Variants in BHMT observed in about 807,000 individuals in gnomAD.
The protein encoded by BHMT is betaine--homocysteine S-methyltransferase, also known as betaine--homocysteine S-methyltransferase 1.
Under a neutral mutation model 49.5 loss-of-function variants are expected in BHMT, and 38 were observed. That is an observed-to-expected ratio of 0.77 (90% CI 0.59 to 1.01). The LOEUF (loss-of-function observed/expected upper bound fraction) is 1.01, where lower values mean the gene tolerates loss of function less well. Ranked by LOEUF, BHMT falls within the 50% of genes least tolerant of loss-of-function variation. BHMT has a pLI of 0.00. For synonymous variants in BHMT, 166 were observed against 176.3 expected, an observed-to-expected ratio of 0.94 and a Z score of 0.46; for missense variants, 426 against 495.7, an observed-to-expected ratio of 0.86 and a Z score of 1.34.
At position 79,119,373 on chromosome 5, in the gene BHMT, T is replaced by C. The variant is rs1228758707; in HGVS notation, c.281T>C (p.Ile94Thr). The change falls in exon 3 of 8, where the codon ATA becomes ACA. Residue 94 changes from isoleucine (I) to threonine (T), a missense_variant. Transcript: ENST00000274353. ...ENRGNYVLEK[I>T]SGQEVNEAAC... ...AGGGGCAACTATGTCTTAGAGAAGA[T>C]ATCTGTGAGTAAAACCAGCCGTGGG... 2 of 1,607,664 alleles carry C rather than the reference T, an allele frequency of 1.2e-6. No individual in the cohort carries two copies. The highest frequency in any genetic ancestry group is 2.2e-5 in the East Asian group (1 of 44,864).
intron 5 of BHMT, 51 bp from the exon 6 acceptor site, chr5:79,125,995 C>T (rs2112731026): frequency 6.5e-7 from 1 of 1,538,556 alleles, no homozygotes; most frequent in Non-Finnish European, 8.8e-7. Context: ...AGAGCTGGCC[C>T]TGCTGGTTTC....
chr5:79,118,201 C>T (rs1756414987), intron 2 of BHMT, among the ~76,000 whole-genome samples: 1 of 152,168 alleles, frequency 6.6e-6, no homozygotes, highest in South Asian at 2.1e-4. Flanking sequence ...TTGGAGGCCT[C>T]ACGCCTGTAA....
Position 79,132,248 on chromosome 5 carries a change from G to GT in BHMT, c.*1133dup, listed in dbSNP as rs1378756967. 1.3e-5 allele frequency: 2 copies of GT among 152,156 alleles called. No individual in the cohort carries two copies. The highest frequency in any genetic ancestry group is 1.9e-4 in the East Asian group (1 of 5,200). 9.4% of individuals were successfully genotyped at this position (152,156 alleles called of 1,614,324 possible). A position where few individuals can be genotyped will look rare whatever the true frequency, so the allele number is the denominator to read the frequency against. Reference sequence around the variant, plus strand: ...GAATTGTTTGAGCTGTTTTGAAATTGTAATTCTTTTCAGCTATTAAAAAGA... The same window carrying GT: ...GAATTGTTTGAGCTGTTTTGAAATTGTTAATTCTTTTCAGCTATTAAAAAGA... On this transcript the variant is annotated 3_prime_UTR_variant, in exon 8 of 8. Transcript: ENST00000274353.
intron 1 of BHMT, among the ~76,000 whole-genome samples, chr5:79,112,493 G>C (rs1013944265): frequency 6.6e-6 from 1 of 152,218 alleles, no homozygotes; most frequent in Non-Finnish European, 1.5e-5. Flanking sequence ...TCTGCACCGC[G>C]GGTGTCGGGG....
rs146927442 is a variant in BHMT at position 79,127,809 on chromosome 5, C to G, written c.863C>G (p.Ala288Gly). The G allele has an allele frequency of 1.4e-5, 23 of 1,614,110 alleles. No homozygotes were observed. The highest frequency in any genetic ancestry group is 1.9e-5 in the Non-Finnish European group (23 of 1,180,002). Residue 288 changes from alanine to glycine, a missense_variant, in exon 7 of 8, where the codon GCC (alanine) becomes GGC (glycine). By Grantham distance (60) the Ala-to-Gly change is moderately conservative. Around this residue, in one of 3 missense-constraint regions of BHMT, gnomAD observed 321 missense variants for 355.9 expected, o/e 0.90. Transcript: ENST00000274353. ...GATATTCAAAAATACGCCAGAGAGG[C>G]CTACAACCTGGGGGTCAGGTACATT... is the stretch of plus-strand genomic sequence containing the variant. ...RWDIQKYARE[A>G]YNLGVRYIGG...
intron 1 of BHMT, among the ~76,000 whole-genome samples, chr5:79,113,436 G>GA (rs1756337615): frequency 6.6e-6 from 1 of 152,150 alleles, no homozygotes; most frequent in Non-Finnish European, 1.5e-5. Context: ...ATGTAAGATG[G>GA]AAAAAACAGT....
At chr5:79,119,419 G>A (rs369270690) in intron 3 of BHMT, 42 bp downstream of exon 3, 23 of 1,490,720 alleles carry the variant, frequency 1.5e-5, no homozygotes, top group African/African-American at 1.3e-4. Flanking sequence ...GGATATTGTC[G>A]ACCTATTGCA....
rs1756380224 is a variant in BHMT at position 79,115,906 on chromosome 5, G to GC, written c.166+8dup. The GC allele has an allele frequency of 6.2e-7, 1 of 1,610,516 alleles. No individual in the cohort carries two copies. On this transcript the variant is annotated splice_region_variant and intron_variant, in intron 2 of 7. Coordinates refer to ENST00000274353, the MANE Select transcript of BHMT (RefSeq NM_001713.3). ...GTGGAGCACCCAGAAGCAGGTTGGT[G>GC]CAGAGCTCTATTGTAAGTTCTCATA...
intron 5 of BHMT, among the ~76,000 whole-genome samples, chr5:79,122,819 A>T (rs1756491833): frequency 6.6e-6 from 1 of 152,186 alleles, no homozygotes; most frequent in Non-Finnish European, 1.5e-5. Context: ...TATATCCACA[A>T]TATTCAAATC....
chr5:79,131,115 A>G lies in BHMT; in HGVS notation c.1220A>G (p.Ter407TrpextTer3). 6.2e-7 allele frequency: 1 copy of G among 1,608,558 alleles called. No homozygotes were observed. The highest frequency in any genetic ancestry group is 8.5e-7 in the Non-Finnish European group (1 of 1,177,524). Residue 407 changes from the stop codon to tryptophan (W), a stop_lost, in exon 8 of 8, where the codon TAG becomes TGG. Coordinates refer to ENST00000274353, the MANE Select transcript of BHMT (RefSeq NM_001713.3). ...LFEKQKFKSQ* is the reference protein window; with the variant it reads ...LFEKQKFKSQW ...GAAAAACAAAAATTCAAATCACAGT[A>G]GCCTCGATAGAAGCTATTTTTGATG... is the stretch of plus-strand genomic sequence containing the variant.
intron 6 of BHMT, among the ~76,000 whole-genome samples, chr5:79,127,376 C>A (rs1756568775): frequency 6.6e-6 from 1 of 152,210 alleles, no homozygotes; most frequent in African/African-American, 2.4e-5. Context: ...AACATGGCAG[C>A]TGGCTTTCCC....
intron 3 of BHMT, 50 bp from the exon 4 acceptor site, chr5:79,120,300 T>C (rs375977888): frequency 1.2e-4 from 180 of 1,461,614 alleles, no homozygotes; most frequent in Non-Finnish European, 1.6e-4. Flanking sequence ...AATAATTTTA[T>C]TTCAATTTCA....
At chr5:79,115,545 C>A (rs1237707678) in intron 1 of BHMT, among the ~76,000 whole-genome samples, 1 of 152,116 alleles carries the variant, frequency 6.6e-6, no homozygotes, top group Non-Finnish European at 1.5e-5. Flanking sequence ...AAGACCCCCC[C>A]ACCCACAGCA....
intron 6 of BHMT, 133 bp from the exon 7 acceptor site, chr5:79,127,622 G>GT (rs1756572072): frequency 7.8e-7 from 1 of 1,285,068 alleles, no homozygotes; most frequent in South Asian, 1.6e-5. Flanking sequence ...AAGTAGCAAA[G>GT]TTTTTTCTTA....
chr5:79,117,506 AATC>A (rs1756403644), intron 2 of BHMT, among the ~76,000 whole-genome samples: 1 of 152,192 alleles, frequency 6.6e-6, no homozygotes, highest in Non-Finnish European at 1.5e-5. Context: ...TGATTTAAAA[AATC>A]ATGGAAAATC....
At chr5:79,115,244 G>A (rs1394650955) in intron 1 of BHMT, among the ~76,000 whole-genome samples, 2 of 151,642 alleles carry the variant, frequency 1.3e-5, no homozygotes, top group Non-Finnish European at 2.9e-5. Flanking sequence ...GAGACTGGAG[G>A]ATCTTCTGAG....
intron 1 of BHMT, among the ~76,000 whole-genome samples, chr5:79,112,488 A>C (rs1438526510): frequency 6.6e-6 from 1 of 152,158 alleles, no homozygotes; most frequent in Non-Finnish European, 1.5e-5. Flanking sequence ...CTGGATCTGC[A>C]CCGCGGGTGT....
chr5:79,126,220 T>C lies in BHMT; in HGVS notation c.800T>C (p.Phe267Ser). Residue 267 changes from phenylalanine (F) to serine (S), a missense_variant, in exon 6 of 8, where the codon TTC becomes TCC. Phe to Ser is a radical substitution (Grantham distance 155). Around this residue, in one of 3 missense-constraint regions of BHMT, gnomAD observed 321 missense variants for 355.9 expected, o/e 0.90. Transcript: ENST00000274353. ...CAGGGATTCATCGATCTCCCAGAAT[T>C]CCCATTTGGTAAGACCAACATTTGA... ...NKQGFIDLPE[F>S]PFGLEPRVAT... The C allele has an allele frequency of 6.2e-7, 1 of 1,613,682 alleles. No homozygotes were observed.
intron 6 of BHMT, among the ~76,000 whole-genome samples, chr5:79,126,913 C>G (rs1357801881): frequency 6.6e-6 from 1 of 152,140 alleles, no homozygotes; most frequent in Non-Finnish European, 1.5e-5. Context: ...CTATTTCCTT[C>G]TAAGGTCTTT....
Sources: allele counts gnomAD v4.1 joint callset (sites outside exome capture counted in the v4.1 genomes callset), GRCh38; gene constraint gnomAD v4.1.1; regional missense constraint gnomAD v4.1.1; transcripts MANE v1.5; gene names NCBI Gene and HGNC (gene_info 2026-07-23, HGNC 2026-07-21).